The following CELF1 variants were observed in gnomAD, a reference collection of about 807,000 sequenced individuals.
CELF1 encodes the protein 50 kDa nuclear polyadenylated RNA-binding protein.
Under a neutral mutation model 61.8 loss-of-function variants are expected in CELF1, and 10 were observed. That is an observed-to-expected ratio of 0.16 (90% CI 0.10 to 0.27). The LOEUF (loss-of-function observed/expected upper bound fraction) is 0.27, where lower values mean the gene tolerates loss of function less well. Ranked by LOEUF, CELF1 falls within the 10% of genes least tolerant of loss-of-function variation. CELF1 has a pLI of 1.00. For missense variants in CELF1, 380 were observed against 639.1 expected (o/e 0.59, Z 4.37); for synonymous variants, 236 against 225.1 (o/e 1.05, Z -0.43).
chr11:47,525,016 A>G (rs527432888), intron 1 of CELF1, among the ~76,000 whole-genome samples: 5 of 152,352 alleles, frequency 3.3e-5, no homozygotes, highest in African/African-American at 1.2e-4. Context: ...GAAAACCTTT[A>G]CTAGGTCAGA....
chr11:47,504,717 C>T (rs2094324856), intron 1 of CELF1, among the ~76,000 whole-genome samples: 1 of 151,174 alleles, frequency 6.6e-6, no homozygotes, highest in Non-Finnish European at 1.5e-5. Flanking sequence ...GTTTGATCAA[C>T]ATGGTGAAAC....
intron 7 of CELF1, among the ~76,000 whole-genome samples, chr11:47,484,030 G>C (rs1490025399): frequency 6.6e-6 from 1 of 152,012 alleles, no homozygotes; most frequent in Non-Finnish European, 1.5e-5. Flanking sequence ...AGTTTCCACC[G>C]GTCAAATTAA....
chr11:47,527,464 C>A (rs1460597236), intron 1 of CELF1, among the ~76,000 whole-genome samples: 1 of 152,102 alleles, frequency 6.6e-6, no homozygotes, highest in African/African-American at 2.4e-5. Context: ...GTGTTTCACC[C>A]CTGTAATCCC....
In CELF1 at chr11:47,518,173, C is replaced by G. The variant is rs1217211560; in HGVS notation, c.-153-17241G>C. Among the ~76,000 whole-genome samples, 4 of 152,220 alleles carry G rather than the reference C, an allele frequency of 2.6e-5. No homozygotes were observed. In the East Asian group the frequency reaches 7.7e-4, roughly 29 times the overall value. Reference sequence around the variant, plus strand: ...TTTTTTCCTGCTTTGCCTGAAACTTCTGTGTGGAAACTGCCATTGTCCAGG... The same window carrying G: ...TTTTTTCCTGCTTTGCCTGAAACTTGTGTGTGGAAACTGCCATTGTCCAGG... On this transcript the variant is annotated intron_variant, in intron 1 of 14. Transcript: ENST00000687097.
chr11:47,548,018 G>A (rs573667213), intron 1 of CELF1, among the ~76,000 whole-genome samples: 7 of 152,102 alleles, frequency 4.6e-5, no homozygotes, highest in East Asian at 3.9e-4. Flanking sequence ...TGGTTAAAAC[G>A]GGCCGGGCAC....
chr11:47,519,667 C>T (rs1404335956), intron 1 of CELF1, among the ~76,000 whole-genome samples: 1 of 151,966 alleles, frequency 6.6e-6, no homozygotes. Context: ...GTCAGGAGAT[C>T]GAGACCATCC....
intron 1 of CELF1, among the ~76,000 whole-genome samples, chr11:47,529,100 C>CA (rs1194622275): frequency 3.5e-5 from 5 of 142,850 alleles, no homozygotes; most frequent in Non-Finnish European, 7.6e-5. Flanking sequence ...TTTTTTGAGA[C>CA]AGAGTCTTGC....
intron 1 of CELF1, among the ~76,000 whole-genome samples, chr11:47,543,514 A>G (rs1019925299): frequency 6.6e-6 from 1 of 152,252 alleles, no homozygotes; most frequent in Non-Finnish European, 1.5e-5. Flanking sequence ...AGGTTAAAAA[A>G]TAACTATAGA....
Position 47,468,341 on chromosome 11 carries a change from T to C in CELF1, c.*3889A>G, listed in dbSNP as rs1332022508. 6.6e-6 allele frequency: 1 copy of C among 152,314 alleles called. No individual in the cohort carries two copies. Among genetic ancestry groups the C allele is most frequent in the Non-Finnish European group, 1.5e-5 (1 of 68,060 alleles). 9.4% of individuals were successfully genotyped at this position (152,314 alleles called of 1,614,324 possible). A position where few individuals can be genotyped will look rare whatever the true frequency, so the allele number is the denominator to read the frequency against. ...GAAAAACAAAAGAAAGAACAATACA[T>C]GCGGTCTCCTCAAGCCCCACAGACT... On this transcript the variant is annotated 3_prime_UTR_variant, in exon 15 of 15. Transcript: ENST00000687097.
In CELF1 at chr11:47,471,639, T is replaced by G. The variant is rs1223992101; in HGVS notation, c.*591A>C. 1 of 152,154 alleles carries G rather than the reference T, an allele frequency of 6.6e-6. No individual in the cohort carries two copies. Among genetic ancestry groups the G allele is most frequent in the East Asian group, 1.9e-4 (1 of 5,204 alleles). The allele number at this position is 152,154 out of a possible 1,614,324, so 9.4% of individuals were successfully genotyped here. On this transcript the variant is annotated 3_prime_UTR_variant, in exon 15 of 15. Transcript: ENST00000687097. ...TGAAAAATAGGTGTCAAAAACTATT[T>G]CCCAGAAGGTAGCTGTACAGGAGTT...
At chr11:47,479,089 A>G (rs982080792) in intron 9 of CELF1, 137 bp from the exon 10 acceptor site, 1 of 638,252 alleles carries the variant, frequency 1.6e-6, no homozygotes, top group Non-Finnish European at 2.8e-6. Context: ...ACCCAAGCCA[A>G]CACAACAGAA....
upstream of CELF1, among the ~76,000 whole-genome samples, chr11:47,556,382 A>G (rs1267590080): frequency 1.3e-5 from 2 of 152,156 alleles, no homozygotes; most frequent in African/African-American, 2.4e-5. Flanking sequence ...CAGGGGTCTC[A>G]CTATGTTGCC....
chr11:47,494,888 T>C (rs541607354), intron 3 of CELF1, among the ~76,000 whole-genome samples: 1 of 152,352 alleles, frequency 6.6e-6, no homozygotes, highest in East Asian at 1.9e-4. Context: ...TAGTGGCTAC[T>C]GTATGAGACA....
chr11:47,554,463 C>T (rs2097197612), upstream of CELF1, among the ~76,000 whole-genome samples: 1 of 152,052 alleles, frequency 6.6e-6, no homozygotes, highest in Non-Finnish European at 1.5e-5. Context: ...TTTTGTGCTC[C>T]ATAGAATCAT....
chr11:47,511,115 G>A (rs2095117471), intron 1 of CELF1, among the ~76,000 whole-genome samples: 1 of 152,154 alleles, frequency 6.6e-6, no homozygotes, highest in African/African-American at 2.4e-5. Flanking sequence ...TGAGCCCAGA[G>A]GTCGAGGCTG....
chr11:47,546,268 G>A (rs1338835989), intron 1 of CELF1, among the ~76,000 whole-genome samples: 1 of 146,234 alleles, frequency 6.8e-6, no homozygotes, highest in African/African-American at 2.5e-5. Context: ...GGGGGCCGGG[G>A]GCGGGGGCGG....
Position 47,468,637 on chromosome 11 carries a change from A to C in CELF1, c.*3593T>G, listed in dbSNP as rs2077061269. ...TTTTTTTATATTCAAATGCAAGTTT[A>C]AATATTTCCCCTTCAGCAGTCGTTC... On this transcript the variant is annotated 3_prime_UTR_variant, in exon 15 of 15. Coordinates refer to ENST00000687097, the MANE Select transcript of CELF1 (RefSeq NM_001376376.1). The C allele has an allele frequency of 6.6e-6, 1 of 152,622 alleles. No individual in the cohort carries two copies. Among genetic ancestry groups the C allele is most frequent in the African/African-American group, 2.4e-5 (1 of 41,440 alleles). 9.5% of individuals were successfully genotyped at this position (152,622 alleles called of 1,614,324 possible).
intron 1 of CELF1, among the ~76,000 whole-genome samples, chr11:47,531,704 T>C (rs1264881258): frequency 1.3e-5 from 2 of 152,220 alleles, no homozygotes; most frequent in African/African-American, 4.8e-5. Context: ...CAAAACAATT[T>C]GCCTACTTGG....
At chr11:47,475,613 TCCAA>T in intron 12 of CELF1, 92 bp from the exon 13 acceptor site, 4 of 1,237,908 alleles carry the variant, frequency 3.2e-6, no homozygotes, top group Non-Finnish European at 3.4e-6. Flanking sequence ...GAGGGAAAAC[TCCAA>T]AGTTCTCCCC....
Sources: allele counts gnomAD v4.1 joint callset (sites outside exome capture counted in the v4.1 genomes callset), GRCh38; gene constraint gnomAD v4.1.1; transcripts MANE v1.5; gene names NCBI Gene and HGNC (gene_info 2026-07-23, HGNC 2026-07-21).